RAD54L2: variants seen among roughly 807,000 people sequenced by gnomAD.
RAD54L2 encodes helicase ARIP4.
Under a neutral mutation model 138.4 loss-of-function variants are expected in RAD54L2, and 27 were observed. That is an observed-to-expected ratio of 0.20 (90% CI 0.14 to 0.27). The LOEUF (loss-of-function observed/expected upper bound fraction) is 0.27. Among genes scored for constraint, RAD54L2 ranks in the 10% least tolerant of loss-of-function variants. The probability of loss-of-function intolerance (pLI) is 1.00; values close to 1 mark genes in which losing one functional copy is unlikely to be tolerated. For synonymous variants in RAD54L2, 644 were observed against 723.2 expected, an observed-to-expected ratio of 0.89 and a Z score of 1.76; for missense variants, 1,396 against 1,890.2, an observed-to-expected ratio of 0.74 and a Z score of 4.85.
At chr3:51,586,742 A>G (rs1411090335) in intron 2 of RAD54L2, among the ~76,000 whole-genome samples, 1 of 151,296 alleles carries the variant, frequency 6.6e-6, no homozygotes, top group Non-Finnish European at 1.5e-5. Flanking sequence ...CTAATTTTGT[A>G]TTTTTAGTAG....
intron 2 of RAD54L2, among the ~76,000 whole-genome samples, chr3:51,576,839 C>G (rs1317626181): frequency 6.6e-6 from 1 of 151,880 alleles, no homozygotes; most frequent in Non-Finnish European, 1.5e-5. Context: ...TTTTTTGTGT[C>G]TCTATTTCCT....
intron 2 of RAD54L2, among the ~76,000 whole-genome samples, chr3:51,551,745 A>G (rs1160907352): frequency 6.8e-6 from 1 of 146,250 alleles, no homozygotes; most frequent in African/African-American, 2.5e-5. Context: ...TGTAGGATAC[A>G]TTTCTTTTTC....
chr3:51,587,215 C>T (rs1699730245), intron 2 of RAD54L2, among the ~76,000 whole-genome samples: 1 of 151,972 alleles, frequency 6.6e-6, no homozygotes, highest in African/African-American at 2.4e-5. Flanking sequence ...ATTCTCCTGC[C>T]TCAGCCTCCC....
intron 2 of RAD54L2, among the ~76,000 whole-genome samples, chr3:51,585,851 G>T (rs755197747): frequency 2.0e-5 from 3 of 152,112 alleles, no homozygotes; most frequent in Non-Finnish European, 2.9e-5. Flanking sequence ...CCCAGAACTT[G>T]CACTGTAAGA....
At chr3:51,609,857 C>G (rs1489734488) in intron 3 of RAD54L2, among the ~76,000 whole-genome samples, 1 of 151,982 alleles carries the variant, frequency 6.6e-6, no homozygotes, top group Non-Finnish European at 1.5e-5. Flanking sequence ...GTTTCCTCTC[C>G]TAGTTTCTTC....
Position 51,639,620 on chromosome 3 carries a change from G to A in RAD54L2, c.2062G>A (p.Gly688Ser). The part of the protein sequence containing the change: ...ATNSKFLQGV[G>S]FNPFQERGNN... ...CAATAGCAAGTTCCTACAGGGCGTT[G>A]GCTTCAACCCTTTCCAGGAGCGAGG... The change falls in exon 13 of 23, where the codon GGC becomes AGC. Residue 688 changes from glycine to serine, a missense_variant. By Grantham distance (56) the Gly-to-Ser change is moderately conservative. Around this residue, in one of 7 missense-constraint regions of RAD54L2, gnomAD observed 211 missense variants for 273.8 expected, o/e 0.77. Coordinates refer to ENST00000684192, the MANE Select transcript of RAD54L2 (RefSeq NM_015106.4). 10 of 1,613,850 alleles carry A rather than the reference G, an allele frequency of 6.2e-6. No homozygotes were observed. Among genetic ancestry groups the A allele is most frequent in the South Asian group, 2.2e-5 (2 of 91,046 alleles).
Position 51,639,661 on chromosome 3 carries a change from A to G in RAD54L2, c.2103A>G (p.Thr701=), listed in dbSNP as rs753634146. The G allele has an allele frequency of 6.2e-7, 1 of 1,613,708 alleles. No homozygotes were observed. The highest frequency in any genetic ancestry group is 1.1e-5 in the South Asian group (1 of 90,994). The change falls in exon 13 of 23, where the codon ACA becomes ACG. Residue 701 remains threonine (T), a synonymous_variant. Coordinates refer to ENST00000684192, the MANE Select transcript of RAD54L2 (RefSeq NM_015106.4). Reference sequence around the variant, plus strand: ...AGGAGCGAGGCAACAACATTGTCACATATGAATGGGTGAGTCAAGCAGATC... The same window carrying G: ...AGGAGCGAGGCAACAACATTGTCACGTATGAATGGGTGAGTCAAGCAGATC... ...PFQERGNNIV[T]YEWAKDLLTN...
chr3:51,641,156 C>T (rs931791981), intron 14 of RAD54L2, among the ~76,000 whole-genome samples: 2 of 152,078 alleles, frequency 1.3e-5, no homozygotes, highest in African/African-American at 4.8e-5. Context: ...GCACGTGCCA[C>T]CATGCCAGGC....
chr3:51,552,605 C>G (rs996019380), intron 2 of RAD54L2, among the ~76,000 whole-genome samples: 2 of 119,070 alleles, frequency 1.7e-5, no homozygotes, highest in Non-Finnish European at 3.3e-5. Context: ...GGGTCTGACT[C>G]TTGCTCAGGT....
intron 2 of RAD54L2, among the ~76,000 whole-genome samples, chr3:51,545,028 C>T (rs1373705173): frequency 6.6e-6 from 1 of 152,184 alleles, no homozygotes; most frequent in African/African-American, 2.4e-5. Flanking sequence ...AAACTTTATT[C>T]AGGAGTTAGA....
chr3:51,596,915 A>G (rs1218122508), intron 3 of RAD54L2, among the ~76,000 whole-genome samples: 1 of 152,184 alleles, frequency 6.6e-6, no homozygotes, highest in East Asian at 1.9e-4. Flanking sequence ...CTATAATCCC[A>G]ACACTTTGGG....
At chr3:51,647,699 G>A (rs1701321448) in intron 19 of RAD54L2, among the ~76,000 whole-genome samples, 1 of 152,044 alleles carries the variant, frequency 6.6e-6, no homozygotes, top group Non-Finnish European at 1.5e-5. Flanking sequence ...TTTTAGTCGA[G>A]ATGAGGTCTC....
chr3:51,648,566 T>TA (rs1701346627), intron 19 of RAD54L2, among the ~76,000 whole-genome samples: 1 of 152,146 alleles, frequency 6.6e-6, no homozygotes, highest in Non-Finnish European at 1.5e-5. Flanking sequence ...TGACACCTCA[T>TA]ACAGCCGGGT....
chr3:51,639,146 G>C, intron 12 of RAD54L2: 2 of 462,736 alleles, frequency 4.3e-6, no homozygotes, highest in Admixed American at 7.5e-5. Context: ...TGTCAAAAAG[G>C]CTTGTGACAG....
At chr3:51,602,299 G>A (rs555136108) in intron 3 of RAD54L2, among the ~76,000 whole-genome samples, 2 of 152,202 alleles carry the variant, frequency 1.3e-5, no homozygotes, top group South Asian at 4.1e-4. Context: ...ACATCATGGG[G>A]AAAAAATGGA....
At position 51,630,950 on chromosome 3, in the gene RAD54L2, G is replaced by A. The variant is rs761982473; in HGVS notation, c.825+19G>A. The A allele has an allele frequency of 3.2e-6, 5 of 1,584,272 alleles. No individual in the cohort carries two copies. The highest frequency in any genetic ancestry group is 3.5e-6 in the Non-Finnish European group (4 of 1,154,798). Reference sequence around the variant, plus strand: ...TCATCAGGTACAGCAAACCTTGACTGTTTTCTCCTTTTCCTTTTTGTTTCC... The same window carrying A: ...TCATCAGGTACAGCAAACCTTGACTATTTTCTCCTTTTCCTTTTTGTTTCC... On this transcript the variant is annotated intron_variant, in intron 7 of 22. Transcript: ENST00000684192.
At chr3:51,545,077 T>C (rs1254546616) in intron 2 of RAD54L2, among the ~76,000 whole-genome samples, 1 of 152,218 alleles carries the variant, frequency 6.6e-6, no homozygotes, top group African/African-American at 2.4e-5. Context: ...CGTTTTCTGC[T>C]CAGTCTAATA....
chr3:51,543,623 AAAAAG>A (rs1474951480), intron 2 of RAD54L2, among the ~76,000 whole-genome samples: 3 of 151,846 alleles, frequency 2.0e-5, no homozygotes, highest in Non-Finnish European at 4.4e-5. Context: ...AAAAAAAAAA[AAAAAG>A]AGTAAATAAT....
chr3:51,641,344 A>G (rs1701131362), intron 14 of RAD54L2, among the ~76,000 whole-genome samples: 1 of 135,070 alleles, frequency 7.4e-6, no homozygotes, highest in Non-Finnish European at 1.5e-5. Context: ...CCTGAGACAG[A>G]GTTTCACTCT....
Sources: allele counts gnomAD v4.1 joint callset (sites outside exome capture counted in the v4.1 genomes callset), GRCh38; gene constraint gnomAD v4.1.1; regional missense constraint gnomAD v4.1.1; transcripts MANE v1.5; gene names NCBI Gene and HGNC (gene_info 2026-07-23, HGNC 2026-07-21).